Variants in CXCL9 observed in about 807,000 individuals in gnomAD.
CXCL9 encodes the protein C-X-C motif chemokine 9.
A neutral mutation model predicts 11.7 loss-of-function variants in CXCL9; 8 were observed. The ratio of observed to expected loss-of-function variants is 0.68; its 90% CI spans 0.40 to 1.23. CXCL9 has a LOEUF of 1.23. Ranked by LOEUF, CXCL9 falls within the 50% of genes most tolerant of loss-of-function variation. The probability of loss-of-function intolerance (pLI) is 0.01; values close to 1 mark genes in which losing one functional copy is unlikely to be tolerated. For missense variants in CXCL9, 133 were observed against 141.7 expected (o/e 0.94, Z 0.31); for synonymous variants, 43 against 48.2 (o/e 0.89, Z 0.45).
intron 3 of CXCL9, among the ~76,000 whole-genome samples, chr4:76,004,590 C>T (rs998433837): frequency 2.0e-5 from 3 of 152,208 alleles, no homozygotes; most frequent in Admixed American, 2.0e-4. Context: ...AGCTCTGTAC[C>T]CCCAAGGAAC....
chr4:76,005,127 A>G lies in CXCL9; in HGVS notation c.192-234T>C, dbSNP rs182849422. The G allele has an allele frequency of 6.1e-4, 279 of 458,562 alleles. 3 individuals carry two copies. Among genetic ancestry groups the G allele is most frequent in the African/African-American group, 5.2e-3 (254 of 48,488 alleles). 28.4% of individuals were successfully genotyped at this position (458,562 alleles called of 1,614,324 possible). A position where few individuals can be genotyped will look rare whatever the true frequency, so the allele number is the denominator to read the frequency against. On this transcript the variant is annotated intron_variant, in intron 2 of 3. Transcript: ENST00000264888. ...AGTGGTGCGATCTCAGCTTGCTGCAACTTCCAACTCCTGGATTCAAGCGAT... is the reference window on the plus strand; with the variant it reads ...AGTGGTGCGATCTCAGCTTGCTGCAGCTTCCAACTCCTGGATTCAAGCGAT...
chr4:76,003,565 T>C lies in CXCL9; in HGVS notation c.*33A>G, dbSNP rs1405342345. ...GCGGTATAATTAAAATAGAACATTT[T>C]TAACACAGAATACTTATTGGTGAAG... On this transcript the variant is annotated 3_prime_UTR_variant, in exon 4 of 4. Coordinates refer to ENST00000264888, the MANE Select transcript of CXCL9 (RefSeq NM_002416.3). 2.4e-6 allele frequency: 3 copies of C among 1,245,202 alleles called. No individual in the cohort carries two copies. Among genetic ancestry groups the C allele is most frequent in the Non-Finnish European group, 3.5e-6 (3 of 852,668 alleles). 77.1% of individuals were successfully genotyped at this position (1,245,202 alleles called of 1,614,324 possible). A position where few individuals can be genotyped will look rare whatever the true frequency, so the allele number is the denominator to read the frequency against.
chr4:76,004,904 A>G lies in CXCL9; in HGVS notation c.192-11T>C. The G allele has an allele frequency of 6.5e-7, 1 of 1,534,924 alleles. No homozygotes were observed. On this transcript the variant is annotated splice_polypyrimidine_tract_variant and intron_variant, in intron 2 of 3. Transcript: ENST00000264888. Reference sequence around the variant, plus strand: ...TTCTTCAGTGTAGCACTGCCAAAGAAATAGCAATGAGATAGTTTTTTCTCA... The same window carrying G: ...TTCTTCAGTGTAGCACTGCCAAAGAGATAGCAATGAGATAGTTTTTTCTCA...
chr4:76,002,777 C>A lies in CXCL9; in HGVS notation c.*821G>T, dbSNP rs1291110339. On this transcript the variant is annotated 3_prime_UTR_variant, in exon 4 of 4. Transcript: ENST00000264888. ...TTTAAGAGGCAGGACTTGAACTAAG[C>A]TGGACTGAGTGAGGATGAATTGGGA... 3 of 159,548 alleles carry A rather than the reference C, an allele frequency of 1.9e-5. No individual in the cohort carries two copies. Among genetic ancestry groups the A allele is most frequent in the Non-Finnish European group, 4.1e-5 (3 of 73,126 alleles). 9.9% of individuals were successfully genotyped at this position (159,548 alleles called of 1,614,324 possible). A position where few individuals can be genotyped will look rare whatever the true frequency, so the allele number is the denominator to read the frequency against.
Position 76,002,197 on chromosome 4 carries a change from G to A in CXCL9, c.*1401C>T, listed in dbSNP as rs572210393. 20 of 397,822 alleles carry A rather than the reference G, an allele frequency of 5.0e-5. No individual in the cohort carries two copies. In the South Asian group the frequency reaches 2.3e-3, roughly 47 times the overall value. The allele number at this position is 397,822 out of a possible 1,614,324, so 24.6% of individuals were successfully genotyped here. A position where few individuals can be genotyped will look rare whatever the true frequency, so the allele number is the denominator to read the frequency against. ...GAAAGCCCTTTTCCTTCGGGAAAAG[G>A]AATTTTTGTATGGTTGGGAAAAGGT... On this transcript the variant is annotated 3_prime_UTR_variant, in exon 4 of 4. Coordinates refer to ENST00000264888, the MANE Select transcript of CXCL9 (RefSeq NM_002416.3).
chr4:76,002,989 A>G lies in CXCL9; in HGVS notation c.*609T>C, dbSNP rs1578166094. The G allele has an allele frequency of 6.6e-6, 1 of 152,386 alleles. No individual in the cohort carries two copies. The highest frequency in any genetic ancestry group is 1.9e-4 in the East Asian group (1 of 5,202). 9.4% of individuals were successfully genotyped at this position (152,386 alleles called of 1,614,324 possible). Reference sequence around the variant, plus strand: ...AAAGTGGTCAGCCTGAGCGGGCAAGATGGAATCACATGGCTTCCAAAGCCA... The same window carrying G: ...AAAGTGGTCAGCCTGAGCGGGCAAGGTGGAATCACATGGCTTCCAAAGCCA... On this transcript the variant is annotated 3_prime_UTR_variant, in exon 4 of 4. Coordinates refer to ENST00000264888, the MANE Select transcript of CXCL9 (RefSeq NM_002416.3).
At chr4:76,004,053 T>G (rs1448170714) in intron 3 of CXCL9, among the ~76,000 whole-genome samples, 1 of 152,190 alleles carries the variant, frequency 6.6e-6, no homozygotes, top group African/African-American at 2.4e-5. Flanking sequence ...TTCCCAAATC[T>G]AGACAGCTAG....
chr4:76,004,745 G>A, intron 3 of CXCL9, 64 bp downstream of exon 3: 1 of 1,555,352 alleles, frequency 6.4e-7, no homozygotes, highest in Non-Finnish European at 8.6e-7. Context: ...TGAAAAAGCA[G>A]ATTCTTTGTC....
In CXCL9 at chr4:76,006,241, C is replaced by T; in HGVS notation, c.98G>A (p.Cys33Tyr). ...GATAGTCCCTTGGTTGGTGCTGATG[C>T]AGGAACAGCGACCCTTTCTCACTAC... is the stretch of plus-strand genomic sequence containing the variant. ...TPVVRKGRCSCISTNQGTIHL... is the reference protein window; with the variant it reads ...TPVVRKGRCSYISTNQGTIHL... The change falls in exon 2 of 4, where the codon TGC (cysteine) becomes TAC (tyrosine). Residue 33 changes from cysteine to tyrosine, a missense_variant. By Grantham distance (194) the Cys-to-Tyr change is radical (BLOSUM62 -2). Transcript: ENST00000264888. 2.5e-6 allele frequency: 4 copies of T among 1,613,708 alleles called. No homozygotes were observed. The highest frequency in any genetic ancestry group is 3.4e-6 in the Non-Finnish European group (4 of 1,179,724).
rs1310073070 is a variant in CXCL9 at position 76,001,332 on chromosome 4, C to T, written c.*2266G>A. The T allele has an allele frequency of 6.6e-6, 1 of 152,078 alleles. No individual in the cohort carries two copies. Among genetic ancestry groups the T allele is most frequent in the Non-Finnish European group, 1.5e-5 (1 of 68,030 alleles). 9.4% of individuals were successfully genotyped at this position (152,078 alleles called of 1,614,324 possible). Reference sequence around the variant, plus strand: ...TGTTCCCGATCGACCCTTTAAAGAGCTTTCATGTGTTATCTCAACTAGTGT... The same window carrying T: ...TGTTCCCGATCGACCCTTTAAAGAGTTTTCATGTGTTATCTCAACTAGTGT... On this transcript the variant is annotated 3_prime_UTR_variant, in exon 4 of 4. Transcript: ENST00000264888.
intron 3 of CXCL9, among the ~76,000 whole-genome samples, chr4:76,004,307 T>TG (rs947910016): frequency 7.2e-5 from 11 of 152,206 alleles, no homozygotes; most frequent in African/African-American, 2.7e-4. Context: ...TGTCCTTACC[T>TG]TCCTGGCAAA....
rs1731481028 is a variant in CXCL9 at position 76,002,239 on chromosome 4, T to C, written c.*1359A>G. 7.5e-6 allele frequency: 3 copies of C among 398,294 alleles called. No homozygotes were observed. Among genetic ancestry groups the C allele is most frequent in the African/African-American group, 4.1e-5 (2 of 48,604 alleles). 24.7% of individuals were successfully genotyped at this position (398,294 alleles called of 1,614,324 possible). On this transcript the variant is annotated 3_prime_UTR_variant, in exon 4 of 4. Coordinates refer to ENST00000264888, the MANE Select transcript of CXCL9 (RefSeq NM_002416.3). The stretch of plus-strand genomic sequence containing the variant: ...GGAAAAGGTTGGTCACTGGCTGATC[T>C]ATAAAGTCCTTTTCATTGTAAGATT...
chr4:76,004,959 TA>T, intron 2 of CXCL9, 66 bp from the exon 3 acceptor site: 1 of 1,478,462 alleles, frequency 6.8e-7, no homozygotes, highest in East Asian at 2.5e-5. Flanking sequence ...TTCTCAGAAA[TA>T]ATGAAAATCA....
chr4:76,006,544 C>T (rs896867687), intron 1 of CXCL9, among the ~76,000 whole-genome samples: 2 of 152,180 alleles, frequency 1.3e-5, no homozygotes, highest in Non-Finnish European at 2.9e-5. Flanking sequence ...AAAGGCGTTG[C>T]TCTTAACTAC....
Position 76,005,084 on chromosome 4 carries a change from G to A in CXCL9, c.192-191C>T, listed in dbSNP as rs1578167147. ...TTTTTTTGAGACAGAATTTCGCTCT[G>A]TTGCCAGGCTGGAGTACAGTGGTGC... On this transcript the variant is annotated intron_variant, in intron 2 of 3. Coordinates refer to ENST00000264888, the MANE Select transcript of CXCL9 (RefSeq NM_002416.3). 1.3e-5 allele frequency: 12 copies of A among 913,914 alleles called. No homozygotes were observed. The East Asian group carries it at 4.7e-4, about 36-fold the overall frequency. 56.6% of individuals were successfully genotyped at this position (913,914 alleles called of 1,614,324 possible).
intron 1 of CXCL9, among the ~76,000 whole-genome samples, chr4:76,007,170 T>G (rs1731602063): frequency 6.6e-6 from 1 of 152,212 alleles, no homozygotes; most frequent in South Asian, 2.1e-4. Flanking sequence ...GAACACTTAC[T>G]AGGAATTCAT....
At position 76,007,500 on chromosome 4, in the gene CXCL9, G is replaced by A. The variant is rs1214182775; in HGVS notation, c.-51C>T. 2 of 1,016,694 alleles carry A rather than the reference G, an allele frequency of 2.0e-6. No individual in the cohort carries two copies. The highest frequency in any genetic ancestry group is 1.7e-5 in the Admixed American group (1 of 59,194). 63.0% of individuals were successfully genotyped at this position (1,016,694 alleles called of 1,614,324 possible). A position where few individuals can be genotyped will look rare whatever the true frequency, so the allele number is the denominator to read the frequency against. On this transcript the variant is annotated 5_prime_UTR_variant, in exon 1 of 4. Transcript: ENST00000264888. Reference sequence around the variant, plus strand: ...CTCCTGTATTGGATTTTGAGCCTGAGAAATTCTTTAGAGAACACATTTTGG... The same window carrying A: ...CTCCTGTATTGGATTTTGAGCCTGAAAAATTCTTTAGAGAACACATTTTGG...
At position 76,002,097 on chromosome 4, in the gene CXCL9, T is replaced by C; in HGVS notation, c.*1501A>G. Reference sequence around the variant, plus strand: ...ACAAGTAAACGGACAATAAAACTCATATTTGCCTAAAATGAGTTTCGATAA... The same window carrying C: ...ACAAGTAAACGGACAATAAAACTCACATTTGCCTAAAATGAGTTTCGATAA... On this transcript the variant is annotated 3_prime_UTR_variant, in exon 4 of 4. Coordinates refer to ENST00000264888, the MANE Select transcript of CXCL9 (RefSeq NM_002416.3). 2.6e-6 allele frequency: 1 copy of C among 390,852 alleles called. No homozygotes were observed. The highest frequency in any genetic ancestry group is 4.5e-6 in the Non-Finnish European group (1 of 221,674). 24.2% of individuals were successfully genotyped at this position (390,852 alleles called of 1,614,324 possible).
At chr4:76,003,833 G>A (rs1731527550) in intron 3 of CXCL9, 134 bp from the exon 4 acceptor site, 1 of 618,280 alleles carries the variant, frequency 1.6e-6, no homozygotes, top group Non-Finnish European at 2.8e-6. Flanking sequence ...CACTCTCAGA[G>A]GGGCTCCCTT....
Sources: gnomAD v4.1 joint callset for allele counts (sites outside exome capture counted in the v4.1 genomes callset) on GRCh38, gnomAD v4.1.1 for gene constraint, MANE v1.5 for transcripts, NCBI Gene and HGNC (gene_info 2026-07-23, HGNC 2026-07-21) for gene names.